DLG2: variants seen among roughly 807,000 people sequenced by gnomAD.
DLG2 encodes disks large homolog 2.
Under a neutral mutation model 132.5 loss-of-function variants are expected in DLG2, and 45 were observed. The ratio of observed to expected loss-of-function variants is 0.34; its 90% CI spans 0.27 to 0.44. DLG2 has a LOEUF of 0.44. Among genes scored for constraint, DLG2 ranks in the 20% least tolerant of loss-of-function variants. The probability of loss-of-function intolerance (pLI) is 1.00; values close to 1 mark genes in which losing one functional copy is unlikely to be tolerated. For missense variants in DLG2, 1,045 were observed against 1,196.9 expected (o/e 0.87, Z 1.87); for synonymous variants, 424 against 419.6 (o/e 1.01, Z -0.13).
At chr11:85,401,199 A>G (rs2088061094) in intron 3 of DLG2, among the ~76,000 whole-genome samples, 1 of 152,120 alleles carries the variant, frequency 6.6e-6, no homozygotes, top group African/African-American at 2.4e-5. Context: ...CAAATCAATA[A>G]AAGTAATCCA....
intron 3 of DLG2, among the ~76,000 whole-genome samples, chr11:85,512,912 T>C (rs1253246751): frequency 1.3e-5 from 2 of 152,054 alleles, no homozygotes; most frequent in Non-Finnish European, 2.9e-5. Flanking sequence ...TGCAGCACTA[T>C]TCACAACAGC....
chr11:84,488,572 C>G (rs1236161314), intron 7 of DLG2, among the ~76,000 whole-genome samples: 1 of 152,044 alleles, frequency 6.6e-6, no homozygotes, highest in Non-Finnish European at 1.5e-5. Context: ...TATGTGTGAC[C>G]AGCACCCTGC....
chr11:84,193,288 A>C (rs2096451229), intron 8 of DLG2, among the ~76,000 whole-genome samples: 1 of 152,168 alleles, frequency 6.6e-6, no homozygotes, highest in African/African-American at 2.4e-5. Flanking sequence ...ATTTTAAGGG[A>C]AAACAACCCA....
chr11:85,282,305 A>G (rs2078281711), intron 4 of DLG2, among the ~76,000 whole-genome samples: 1 of 151,972 alleles, frequency 6.6e-6, no homozygotes, highest in South Asian at 2.1e-4. Context: ...ACAATAGGGC[A>G]GCTATGATTA....
intron 16 of DLG2, among the ~76,000 whole-genome samples, chr11:83,842,292 A>G (rs1367953940): frequency 6.6e-6 from 1 of 152,076 alleles, no homozygotes; most frequent in African/African-American, 2.4e-5. Context: ...AAGAGTGTTC[A>G]TGACTCAAAA....
chr11:84,893,617 T>G (rs2089766150), intron 6 of DLG2, among the ~76,000 whole-genome samples: 2 of 152,162 alleles, frequency 1.3e-5, no homozygotes, highest in Non-Finnish European at 2.9e-5. Context: ...CAGGTTCATT[T>G]TGAAAAAATA....
chr11:85,097,585 C>T (rs537582715), intron 6 of DLG2, among the ~76,000 whole-genome samples: 1 of 152,308 alleles, frequency 6.6e-6, no homozygotes, highest in South Asian at 2.1e-4. Flanking sequence ...CTATGGGCAA[C>T]AGAACAGTTC....
In DLG2 at chr11:84,098,963, T is replaced by C; in HGVS notation, c.709A>G (p.Ile237Val). The C allele has an allele frequency of 1.2e-6, 2 of 1,613,724 alleles. No homozygotes were observed. The highest frequency in any genetic ancestry group is 1.7e-6 in the Non-Finnish European group (2 of 1,179,846). The change falls in exon 10 of 28, where the codon ATT becomes GTT. Residue 237 changes from isoleucine (I) to valine (V), a missense_variant. By Grantham distance (29) the Ile-to-Val change is conservative. Around this residue, in one of 4 missense-constraint regions of DLG2, gnomAD observed 109 missense variants for 159.1 expected, o/e 0.69. Transcript: ENST00000376104. The part of the protein sequence containing the change: ...GDDPGIFITK[I>V]IPGGAAAEDG... The stretch of plus-strand genomic sequence containing the variant: ...TCTGCTGCAGCACCTCCTGGTATAA[T>C]CTTCGTAATAAATATGCCAGGGTCA...
At chr11:84,132,524 A>T (rs2094457745) in intron 9 of DLG2, among the ~76,000 whole-genome samples, 1 of 151,608 alleles carries the variant, frequency 6.6e-6, no homozygotes, top group African/African-American at 2.4e-5. Context: ...AACTGAAAAA[A>T]CTCTGTCACT....
chr11:84,725,862 T>A (rs1316400514), intron 6 of DLG2, among the ~76,000 whole-genome samples: 2 of 152,046 alleles, frequency 1.3e-5, no homozygotes, highest in Non-Finnish European at 2.9e-5. Flanking sequence ...TTAATGAAAG[T>A]TAACAGAAAA....
chr11:83,773,679 G>A (rs144965249), intron 18 of DLG2, among the ~76,000 whole-genome samples: 13 of 152,280 alleles, frequency 8.5e-5, no homozygotes, highest in Admixed American at 2.6e-4. Context: ...GCATTTCAGC[G>A]GGGATGAATT....
At chr11:85,354,550 A>AT (rs561822729) in intron 3 of DLG2, among the ~76,000 whole-genome samples, 53 of 147,804 alleles carry the variant, frequency 3.6e-4, no homozygotes, top group African/African-American at 4.9e-4. Context: ...GAGCCAATAC[A>AT]TTTTTTTTTT....
intron 3 of DLG2, among the ~76,000 whole-genome samples, chr11:85,549,329 A>C (rs2076525747): frequency 6.6e-6 from 1 of 152,098 alleles, no homozygotes; most frequent in Non-Finnish European, 1.5e-5. Context: ...AACCAGTCAC[A>C]ATGAGATGAA....
At chr11:85,251,297 C>A (rs763446188) in intron 4 of DLG2, among the ~76,000 whole-genome samples, 1 of 152,174 alleles carries the variant, frequency 6.6e-6, no homozygotes, top group Non-Finnish European at 1.5e-5. Flanking sequence ...TTTTCATTAA[C>A]ATCTAGTCAA....
intron 6 of DLG2, among the ~76,000 whole-genome samples, chr11:84,954,266 G>A (rs2154104701): frequency 6.6e-6 from 1 of 150,572 alleles, no homozygotes; most frequent in South Asian, 2.1e-4. Flanking sequence ...TCACAACACA[G>A]TATCTCTCTG....
rs187920753 is a variant in DLG2 at position 84,708,239 on chromosome 11, T to C, written c.358-173508A>G. On this transcript the variant is annotated intron_variant, in intron 6 of 27. Transcript: ENST00000376104. ...TAAAAATATCTACCTCATAGAGATG[T>C]TGTATTAAGGGATAAAAGATAACTA... 1.3e-4 allele frequency among the ~76,000 whole-genome samples: 20 copies of C among 152,016 alleles called. 1 individual carries two copies. The East Asian group carries it at 3.7e-3, about 28-fold the overall frequency.
At chr11:85,062,872 CA>C (rs2064318029) in intron 6 of DLG2, among the ~76,000 whole-genome samples, 1 of 151,602 alleles carries the variant, frequency 6.6e-6, no homozygotes, top group Admixed American at 6.6e-5. Context: ...ATCAACATAA[CA>C]GAGAAATAAG....
chr11:85,257,195 G>A (rs937683185), intron 4 of DLG2, among the ~76,000 whole-genome samples: 23 of 152,098 alleles, frequency 1.5e-4, no homozygotes, highest in Non-Finnish European at 1.8e-4. Flanking sequence ...GTTATGGAAA[G>A]GCAAAAAATC....
chr11:84,917,988 A>G (rs965269509), intron 6 of DLG2, among the ~76,000 whole-genome samples: 1 of 152,168 alleles, frequency 6.6e-6, no homozygotes, highest in African/African-American at 2.4e-5. Flanking sequence ...ATTGTGATTC[A>G]TAATTCCAAG....
Sources: gnomAD v4.1 joint callset for allele counts (sites outside exome capture counted in the v4.1 genomes callset) on GRCh38, gnomAD v4.1.1 for gene constraint, gnomAD v4.1.1 regional missense constraint, MANE v1.5 for transcripts, NCBI Gene and HGNC (gene_info 2026-07-23, HGNC 2026-07-21) for gene names.